The following CFAP61 variants were observed in gnomAD, a reference collection of about 807,000 sequenced individuals.
The protein encoded by CFAP61 is cilia and flagella associated protein 61, also known as cilia- and flagella-associated protein 61.
In CFAP61, 107 loss-of-function variants were observed where a neutral mutation model predicts 135.6. The ratio of observed to expected loss-of-function variants is 0.79; its 90% CI spans 0.67 to 0.93. The LOEUF (loss-of-function observed/expected upper bound fraction) is 0.93. Among genes scored for constraint, CFAP61 ranks in the 40% least tolerant of loss-of-function variants. The probability of loss-of-function intolerance (pLI) is 0.00; values close to 1 mark genes in which losing one functional copy is unlikely to be tolerated. For synonymous variants in CFAP61, 575 were observed against 578.5 expected, an observed-to-expected ratio of 0.99 and a Z score of 0.09; for missense variants, 1,507 against 1,556.2, an observed-to-expected ratio of 0.97 and a Z score of 0.53.
chr20:20,163,100 G>C (rs1159777258), intron 10 of CFAP61, among the ~76,000 whole-genome samples: 31 of 152,178 alleles, frequency 2.0e-4, no homozygotes, highest in Non-Finnish European at 1.5e-5. Context: ...TGAAAGTTCT[G>C]TTCAATGGGG....
chr20:20,250,613 A>G (rs1264286528), intron 19 of CFAP61, among the ~76,000 whole-genome samples: 1 of 152,216 alleles, frequency 6.6e-6, no homozygotes, highest in East Asian at 1.9e-4. Context: ...ATGAATAAAT[A>G]AAAATGTTAG....
intron 10 of CFAP61, among the ~76,000 whole-genome samples, chr20:20,162,724 T>A (rs1261309181): frequency 6.6e-6 from 1 of 152,204 alleles, no homozygotes; most frequent in Non-Finnish European, 1.5e-5. Flanking sequence ...AAACGCCTGA[T>A]CATTTGGAAA....
intron 26 of CFAP61, among the ~76,000 whole-genome samples, chr20:20,355,191 G>T: frequency 6.8e-6 from 1 of 147,504 alleles, no homozygotes; most frequent in South Asian, 2.2e-4. Context: ...GTCACACTAA[G>T]GGGAGGTAGT....
At chr20:20,309,532 G>A (rs1277224554) in intron 25 of CFAP61, among the ~76,000 whole-genome samples, 2 of 152,142 alleles carry the variant, frequency 1.3e-5, no homozygotes, top group African/African-American at 2.4e-5. Context: ...GGCTTTCCAC[G>A]TGCCACAACC....
intron 26 of CFAP61, among the ~76,000 whole-genome samples, chr20:20,355,041 G>GAGGTAGTCACACTGTGAGAGGGA (rs2059020641): frequency 1.3e-5 from 1 of 78,334 alleles, no homozygotes. Flanking sequence ...ACACTGAGGG[G>GAGGTAGTCACACTGTGAGAGGGA]AGGTGGTCAC....
chr20:20,324,643 G>T (rs867670997), intron 25 of CFAP61, among the ~76,000 whole-genome samples: 5 of 152,288 alleles, frequency 3.3e-5, no homozygotes, highest in South Asian at 2.1e-4. Context: ...TTTTGATCAA[G>T]ATATTATTTT....
rs77437431 is a variant in CFAP61, at chr20:20,311,949, A to C, written c.3422+13563A>C. ...AAAGGGACTCATCTCAGTAGCAGGG[A>C]ATAATTAGTCCTAAACCAAACATTG... is the stretch of plus-strand genomic sequence containing the variant. On this transcript the variant is annotated intron_variant, in intron 25 of 26. Coordinates refer to ENST00000245957, the MANE Select transcript of CFAP61 (RefSeq NM_015585.4). Among the ~76,000 whole-genome samples the C allele has an allele frequency of 6.6e-3, 1,011 of 152,312 alleles. 44 individuals carry two copies. In the East Asian group the frequency reaches 0.14, roughly 21 times the overall value.
chr20:20,155,576 GAAAC>G (rs960173220), intron 9 of CFAP61, among the ~76,000 whole-genome samples: 1 of 151,742 alleles, frequency 6.6e-6, no homozygotes, highest in African/African-American at 2.4e-5. Context: ...CAGCAAGAAA[GAAAC>G]AAATAATCCC....
At chr20:20,139,294 G>A (rs1326711458) in intron 8 of CFAP61, among the ~76,000 whole-genome samples, 2 of 152,206 alleles carry the variant, frequency 1.3e-5, no homozygotes, top group East Asian at 1.9e-4. Flanking sequence ...TAGATGCTGT[G>A]CCTTGGCGGA....
intron 18 of CFAP61, among the ~76,000 whole-genome samples, chr20:20,239,567 A>G (rs2049862138): frequency 6.6e-6 from 1 of 152,230 alleles, no homozygotes; most frequent in Non-Finnish European, 1.5e-5. Flanking sequence ...CATTTTACAG[A>G]CAATGATGCA....
At chr20:20,299,409 T>C (rs1300285651) in intron 25 of CFAP61, among the ~76,000 whole-genome samples, 1 of 152,162 alleles carries the variant, frequency 6.6e-6, no homozygotes, top group Non-Finnish European at 1.5e-5. Flanking sequence ...GGGGCAGATA[T>C]AGCCTCAGTT....
intron 8 of CFAP61, among the ~76,000 whole-genome samples, chr20:20,122,402 G>A (rs1466830559): frequency 6.6e-6 from 1 of 152,102 alleles, no homozygotes; most frequent in Non-Finnish European, 1.5e-5. Context: ...TGATCTTCCC[G>A]CCTCAGCCTC....
chr20:20,219,980 G>C (rs894111952), intron 17 of CFAP61: 1 of 152,086 alleles, frequency 6.6e-6, no homozygotes, highest in African/African-American at 2.4e-5. Context: ...AGCATCTTTT[G>C]TTATTGATTA....
chr20:20,094,518 T>C (rs2047427304), intron 7 of CFAP61: 1 of 152,346 alleles, frequency 6.6e-6, no homozygotes, highest in African/African-American at 2.4e-5. Flanking sequence ...GTCAGTGCTT[T>C]GTAGAGAAGC....
At chr20:20,084,989 A>G in intron 6 of CFAP61, 1 of 380,776 alleles carries the variant, frequency 2.6e-6, no homozygotes, top group Non-Finnish European at 3.6e-6. Context: ...ATATTGTATA[A>G]TTGATGACGT....
At chr20:20,163,642 T>C (rs1433928321) in intron 10 of CFAP61, among the ~76,000 whole-genome samples, 3 of 151,946 alleles carry the variant, frequency 2.0e-5, no homozygotes, top group Non-Finnish European at 4.4e-5. Flanking sequence ...CTGGGATATG[T>C]GTGCAGAACG....
chr20:20,111,121 A>T (rs2048776418), intron 8 of CFAP61, among the ~76,000 whole-genome samples: 2 of 152,190 alleles, frequency 1.3e-5, no homozygotes, highest in African/African-American at 4.8e-5. Flanking sequence ...TAATCACCCC[A>T]ATTTTGATCA....
At chr20:20,334,660 G>T (rs902408893) in intron 25 of CFAP61, among the ~76,000 whole-genome samples, 2 of 152,162 alleles carry the variant, frequency 1.3e-5, no homozygotes, top group African/African-American at 4.8e-5. Context: ...ATATTTCGAG[G>T]CTGCTGCTCT....
intron 8 of CFAP61, among the ~76,000 whole-genome samples, chr20:20,122,916 G>T (rs1019266010): frequency 6.6e-6 from 1 of 151,506 alleles, no homozygotes; most frequent in Non-Finnish European, 1.5e-5. Flanking sequence ...CCACATCCAC[G>T]CCAACATCTA....
Sources: gnomAD v4.1 joint callset for allele counts (sites outside exome capture counted in the v4.1 genomes callset) on GRCh38, gnomAD v4.1.1 for gene constraint, MANE v1.5 for transcripts, NCBI Gene and HGNC (gene_info 2026-07-23, HGNC 2026-07-21) for gene names.